Variants in TCF12 observed in about 807,000 individuals in gnomAD.
The protein encoded by TCF12 is DNA-binding protein HTF4.
In TCF12, 45 loss-of-function variants were observed where a neutral mutation model predicts 86.0. That is an observed-to-expected ratio of 0.52 (90% CI 0.41 to 0.67). The LOEUF is 0.67. Among genes scored for constraint, TCF12 ranks in the 30% least tolerant of loss-of-function variants. TCF12 has a pLI of 0.00. For synonymous variants in TCF12, 330 were observed against 299.6 expected (o/e 1.10, Z -1.05); for missense variants, 881 against 859.9 (o/e 1.02, Z -0.31).
intron 3 of TCF12, among the ~76,000 whole-genome samples, chr15:57,004,843 C>A (rs534215581): frequency 6.6e-6 from 1 of 152,238 alleles, no homozygotes. Flanking sequence ...GCATGAGCCA[C>A]CGCACCCGGC....
chr15:56,926,141 G>C (rs1191601959), intron 3 of TCF12, among the ~76,000 whole-genome samples: 1 of 152,038 alleles, frequency 6.6e-6, no homozygotes, highest in Non-Finnish European at 1.5e-5. Flanking sequence ...GCAAAACCCT[G>C]TCTCTACCAA....
intron 3 of TCF12, among the ~76,000 whole-genome samples, chr15:57,049,928 T>C (rs182940637): frequency 1.8e-4 from 27 of 152,342 alleles, no homozygotes; most frequent in Middle Eastern, 3.4e-3. Context: ...TTCTGACTTA[T>C]TAATCAAATA....
intron 3 of TCF12, among the ~76,000 whole-genome samples, chr15:57,012,472 C>G (rs193097214): frequency 2.0e-4 from 30 of 152,094 alleles, no homozygotes; most frequent in Non-Finnish European, 4.0e-4. Flanking sequence ...AACTCTTGTA[C>G]GCCGCATTGA....
chr15:57,047,622 C>G (rs1305963392), intron 3 of TCF12, among the ~76,000 whole-genome samples: 1 of 152,174 alleles, frequency 6.6e-6, no homozygotes, highest in Non-Finnish European at 1.5e-5. Context: ...TTTCACCCTT[C>G]TTCTCTATTT....
At chr15:57,238,617 G>GA (rs1198718064) in intron 12 of TCF12, among the ~76,000 whole-genome samples, 4 of 152,166 alleles carry the variant, frequency 2.6e-5, no homozygotes, top group African/African-American at 9.7e-5. Context: ...TAAATACCAA[G>GA]ATAAATACTA....
In TCF12 at chr15:57,170,797, T is replaced by A. The variant is rs78828111; in HGVS notation, c.390+4331T>A. On this transcript the variant is annotated intron_variant, in intron 6 of 20. Coordinates refer to ENST00000333725, the MANE Select transcript of TCF12 (RefSeq NM_207037.2). Reference sequence around the variant, plus strand: ...ATATATAATATATATATATAATATATATATATAATTTTTTTTTTTTTTTTT... The same window carrying A: ...ATATATAATATATATATATAATATAAATATATAATTTTTTTTTTTTTTTTT... 5.8e-5 allele frequency among the ~76,000 whole-genome samples: 3 copies of A among 51,736 alleles called. 1 individual carries two copies. Among genetic ancestry groups the A allele is most frequent in the Admixed American group, 3.1e-4 (1 of 3,200 alleles). 33.9% of individuals were successfully genotyped at this position (51,736 alleles called of 152,430 possible).
chr15:57,174,153 CA>C (rs1416979073), intron 6 of TCF12, among the ~76,000 whole-genome samples: 2 of 152,196 alleles, frequency 1.3e-5, no homozygotes, highest in Admixed American at 1.3e-4. Context: ...GTTTAGAAAA[CA>C]GAGGAAGAGT....
intron 16 of TCF12, among the ~76,000 whole-genome samples, chr15:57,254,224 A>C (rs1272917689): frequency 6.6e-6 from 1 of 152,222 alleles, no homozygotes; most frequent in African/African-American, 2.4e-5. Flanking sequence ...GCAGATTTTT[A>C]GCTATAAGCC....
chr15:56,990,677 T>C (rs1040846820), intron 3 of TCF12, among the ~76,000 whole-genome samples: 2 of 152,200 alleles, frequency 1.3e-5, no homozygotes, highest in African/African-American at 4.8e-5. Flanking sequence ...TGTAGCTTGA[T>C]AGCCCAATGT....
chr15:56,961,793 T>C (rs2061765033), intron 3 of TCF12, among the ~76,000 whole-genome samples: 1 of 152,178 alleles, frequency 6.6e-6, no homozygotes, highest in Non-Finnish European at 1.5e-5. Flanking sequence ...ATAAATGTTG[T>C]ATATAAATGT....
At chr15:57,082,227 C>T (rs1454885684) in intron 4 of TCF12, among the ~76,000 whole-genome samples, 1 of 152,188 alleles carries the variant, frequency 6.6e-6, no homozygotes, top group Non-Finnish European at 1.5e-5. Flanking sequence ...CTATTTTAAT[C>T]ATGAACTGTG....
At chr15:57,224,778 T>G (rs1224322601) in intron 8 of TCF12, among the ~76,000 whole-genome samples, 1 of 152,176 alleles carries the variant, frequency 6.6e-6, no homozygotes, top group Non-Finnish European at 1.5e-5. Context: ...ACAGGCTAAT[T>G]AGGTAAAAAG....
At chr15:56,954,887 A>G (rs1478396417) in intron 3 of TCF12, among the ~76,000 whole-genome samples, 2 of 152,216 alleles carry the variant, frequency 1.3e-5, no homozygotes, top group East Asian at 3.9e-4. Flanking sequence ...CAATCATTAA[A>G]AAGTTAGGAA....
chr15:56,985,379 C>A (rs1368248357), intron 3 of TCF12, among the ~76,000 whole-genome samples: 2 of 152,118 alleles, frequency 1.3e-5, no homozygotes, highest in Admixed American at 1.3e-4. Context: ...ATTTTGACTA[C>A]TAAAATTGTG....
chr15:57,196,474 T>A (rs1385693426), intron 7 of TCF12, among the ~76,000 whole-genome samples: 1 of 152,196 alleles, frequency 6.6e-6, no homozygotes, highest in Non-Finnish European at 1.5e-5. Flanking sequence ...TAATTCCCAT[T>A]TTTACAGCTT....
At chr15:57,158,774 T>A (rs2054297708) in intron 5 of TCF12, among the ~76,000 whole-genome samples, 1 of 152,222 alleles carries the variant, frequency 6.6e-6, no homozygotes, top group Non-Finnish European at 1.5e-5. Flanking sequence ...TTTCCTATGC[T>A]GCTGCCTCAT....
At chr15:57,031,176 TCTTAC>T (rs2066156195) in intron 3 of TCF12, among the ~76,000 whole-genome samples, 1 of 152,226 alleles carries the variant, frequency 6.6e-6, no homozygotes, top group African/African-American at 2.4e-5. Context: ...TTTTTCTGCC[TCTTAC>T]CTTTATTTTT....
chr15:57,031,154 GCT>G (rs2066153307), intron 3 of TCF12, among the ~76,000 whole-genome samples: 1 of 152,166 alleles, frequency 6.6e-6, no homozygotes, highest in Non-Finnish European at 1.5e-5. Flanking sequence ...ATCAGATGCT[GCT>G]CTCTCTATAT....
chr15:57,148,956 C>G (rs547589347), intron 5 of TCF12, among the ~76,000 whole-genome samples: 1 of 152,266 alleles, frequency 6.6e-6, no homozygotes, highest in East Asian at 1.9e-4. Context: ...TGAGACGGGT[C>G]TAGGTGTAGT....
Sources: gnomAD v4.1 joint callset for allele counts (sites outside exome capture counted in the v4.1 genomes callset) on GRCh38, gnomAD v4.1.1 for gene constraint, MANE v1.5 for transcripts, NCBI Gene and HGNC (gene_info 2026-07-23, HGNC 2026-07-21) for gene names.